The following ANOS1 variants were observed in gnomAD, a reference collection of about 807,000 sequenced individuals.
The protein encoded by ANOS1 is anosmin 1.
In ANOS1, 6 loss-of-function variants were observed where a neutral mutation model predicts 59.0. That is an observed-to-expected ratio of 0.10 (90% CI 0.06 to 0.20). The LOEUF (loss-of-function observed/expected upper bound fraction) is 0.20, where lower values mean the gene tolerates loss of function less well. Among genes scored for constraint, ANOS1 ranks in the 10% least tolerant of loss-of-function variants. ANOS1 has a pLI of 1.00. For missense variants in ANOS1, 433 were observed against 542.3 expected (o/e 0.80, Z 2.00); for synonymous variants, 217 against 223.4 (o/e 0.97, Z 0.25).
At chrX:8,701,671 C>A (rs1932756949) in intron 1 of ANOS1, among the ~76,000 whole-genome samples, 1 of 112,447 alleles carries the variant, frequency 8.9e-6, no homozygotes, top group African/African-American at 3.2e-5. Context: ...AATGCTACAG[C>A]AATCTTGCTT....
At chrX:8,723,095 C>G (rs990148297) in intron 1 of ANOS1, among the ~76,000 whole-genome samples, 2 of 112,175 alleles carry the variant, frequency 1.8e-5, no homozygotes, top group Non-Finnish European at 3.8e-5. Context: ...AGACCTGAAA[C>G]TATAAAAATT....
intron 6 of ANOS1, among the ~76,000 whole-genome samples, chrX:8,581,251 T>C (rs938567412): frequency 1.8e-4 from 20 of 110,154 alleles, no homozygotes; most frequent in African/African-American, 6.6e-4. Context: ...ATAAGTCTCA[T>C]GAGATCTGAT....
At chrX:8,729,712 T>TA (rs1173021674) in intron 1 of ANOS1, among the ~76,000 whole-genome samples, 854 of 63,022 alleles carry the variant, frequency 0.014, 20 homozygotes, top group Middle Eastern at 0.054. Context: ...TTCTAATTAT[T>TA]AAAAAAAAAA....
At chrX:8,574,541 G>A (rs1930288939) in intron 6 of ANOS1, among the ~76,000 whole-genome samples, 2 of 111,465 alleles carry the variant, frequency 1.8e-5, no homozygotes, top group Admixed American at 1.9e-4. Flanking sequence ...AGCTGCCAGT[G>A]CAGCCAGAAT....
At chrX:8,690,644 A>G (rs192041652) in intron 2 of ANOS1, among the ~76,000 whole-genome samples, 1 of 111,724 alleles carries the variant, frequency 9.0e-6, no homozygotes, top group East Asian at 2.8e-4. Context: ...CAAAACAAAA[A>G]TTTCCACAGT....
chrX:8,558,235 G>A (rs189669350), intron 8 of ANOS1, among the ~76,000 whole-genome samples: 23 of 111,075 alleles, frequency 2.1e-4, no homozygotes, highest in Non-Finnish European at 3.2e-4. Context: ...ACGAGTTGAT[G>A]GGTGCAGCAC....
intron 1 of ANOS1, among the ~76,000 whole-genome samples, chrX:8,728,110 G>A (rs1156606343): frequency 6.3e-5 from 7 of 111,891 alleles, no homozygotes; most frequent in African/African-American, 2.3e-4. Context: ...CAGTCCTGAA[G>A]TAAATTATCC....
chrX:8,694,045 A>C (rs958957736), intron 2 of ANOS1, among the ~76,000 whole-genome samples: 1 of 111,380 alleles, frequency 9.0e-6, no homozygotes, highest in African/African-American at 3.3e-5. Context: ...AATTTTTAAG[A>C]ATGGATGAAG....
At chrX:8,534,822 CTT>C (rs1601944419) in intron 12 of ANOS1, among the ~76,000 whole-genome samples, 1 of 111,781 alleles carries the variant, frequency 8.9e-6, no homozygotes, top group African/African-American at 3.3e-5. Context: ...GATGTGAACT[CTT>C]GATAGTCCAA....
chrX:8,545,786 A>G (rs773393326), intron 9 of ANOS1, among the ~76,000 whole-genome samples: 1 of 112,300 alleles, frequency 8.9e-6, no homozygotes, highest in South Asian at 3.7e-4. Flanking sequence ...TATTTTGCCC[A>G]CCATCACTTT....
intron 9 of ANOS1, among the ~76,000 whole-genome samples, chrX:8,551,966 G>C (rs1230576731): frequency 8.9e-6 from 1 of 112,471 alleles, no homozygotes; most frequent in Non-Finnish European, 1.9e-5. Flanking sequence ...GATCAAGACT[G>C]TGTCTCAACA....
At chrX:8,611,329 G>A (rs1156516726) in intron 3 of ANOS1, among the ~76,000 whole-genome samples, 2 of 101,228 alleles carry the variant, frequency 2.0e-5, no homozygotes, top group Non-Finnish European at 4.1e-5. Flanking sequence ...AAAAAAAAAA[G>A]ATCATAGACT....
At chrX:8,702,956 A>C (rs73199069) in intron 1 of ANOS1, among the ~76,000 whole-genome samples, 7,266 of 111,643 alleles carry the variant, frequency 0.065, 300 homozygotes, top group African/African-American at 0.15. Flanking sequence ...TTGGACTAGA[A>C]TCCTTGACAT....
At chrX:8,554,554 T>TC (rs1225008369) in intron 8 of ANOS1, among the ~76,000 whole-genome samples, 1 of 97,270 alleles carries the variant, frequency 1.0e-5, no homozygotes, top group East Asian at 3.2e-4. Context: ...TTTTTTTTTT[T>TC]TTTTTTTTTT....
chrX:8,541,309 C>A (rs1414517348), intron 9 of ANOS1, among the ~76,000 whole-genome samples: 1 of 102,237 alleles, frequency 9.8e-6, no homozygotes, highest in Non-Finnish European at 2.0e-5. Context: ...AGGCTGAGGC[C>A]AGAGAATCTC....
intron 2 of ANOS1, among the ~76,000 whole-genome samples, chrX:8,633,078 T>C (rs1008697382): frequency 1.8e-5 from 2 of 111,717 alleles, no homozygotes; most frequent in African/African-American, 6.5e-5. Flanking sequence ...CTTGCCAAAA[T>C]AATGAAATCT....
At chrX:8,607,102 G>C (rs750550291) in intron 3 of ANOS1, among the ~76,000 whole-genome samples, 1 of 112,449 alleles carries the variant, frequency 8.9e-6, no homozygotes, top group African/African-American at 3.2e-5. Context: ...GGGCAACAGA[G>C]TGAGTGAGAT....
At chrX:8,575,040 T>C (rs1415010614) in intron 6 of ANOS1, among the ~76,000 whole-genome samples, 1 of 112,035 alleles carries the variant, frequency 8.9e-6, no homozygotes, top group Non-Finnish European at 1.9e-5. Context: ...CAGTAAGCAA[T>C]TGCTGAATGA....
chrX:8,612,607 A>G (rs1417976620), intron 3 of ANOS1, among the ~76,000 whole-genome samples: 1 of 108,713 alleles, frequency 9.2e-6, no homozygotes, highest in Non-Finnish European at 1.9e-5. Context: ...ATTGGGATGA[A>G]TCAAGAAAAA....
Sources: gnomAD v4.1 joint callset for allele counts (sites outside exome capture counted in the v4.1 genomes callset) on GRCh38, gnomAD v4.1.1 for gene constraint, MANE v1.5 for transcripts, NCBI Gene and HGNC (gene_info 2026-07-23, HGNC 2026-07-21) for gene names.